Variants in TBC1D19 observed in about 807,000 individuals in gnomAD.
The protein encoded by TBC1D19 is TBC1 domain family member 19.
TBC1D19 carries 60 observed loss-of-function variants against 89.0 expected under a neutral mutation model. That is an observed-to-expected ratio of 0.67 (90% CI 0.55 to 0.84). The LOEUF (loss-of-function observed/expected upper bound fraction) is 0.84, where lower values mean the gene tolerates loss of function less well. Ranked by LOEUF, TBC1D19 falls within the 40% of genes least tolerant of loss-of-function variation. TBC1D19 has a pLI of 0.00. For synonymous variants in TBC1D19, 189 were observed against 199.7 expected (o/e 0.95, Z 0.45); for missense variants, 500 against 610.8 (o/e 0.82, Z 1.91).
At chr4:26,630,896 T>G (rs1269206320) in intron 4 of TBC1D19, among the ~76,000 whole-genome samples, 1 of 152,004 alleles carries the variant, frequency 6.6e-6, no homozygotes, top group East Asian at 1.9e-4. Flanking sequence ...TAATTAAGAT[T>G]AGAGTTCTTG....
chr4:26,706,555 A>C (rs1715752337), intron 13 of TBC1D19, among the ~76,000 whole-genome samples: 1 of 151,250 alleles, frequency 6.6e-6, no homozygotes, highest in African/African-American at 2.4e-5. Context: ...TTATTATTTT[A>C]TTTTCTTTCT....
chr4:26,599,469 T>A (rs183866641), intron 1 of TBC1D19, among the ~76,000 whole-genome samples: 1 of 152,180 alleles, frequency 6.6e-6, no homozygotes, highest in Non-Finnish European at 1.5e-5. Flanking sequence ...CAGCCAAATA[T>A]AAGTGATTTT....
At chr4:26,843,705 TA>T in the TBC1D19 span, among the ~76,000 whole-genome samples, 1 of 152,104 alleles carries the variant, frequency 6.6e-6, no homozygotes, top group Non-Finnish European at 1.5e-5. Flanking sequence ...TGTGTTGCTA[TA>T]AAGGTGTACC....
rs1238194176 is a variant in TBC1D19, at chr4:26,697,600, G to A, written c.954+9193G>A. ...ACCAATATCCCTGATCAACATTGAT[G>A]CAAAAATCCTCAATAAAATACTGCA... is the stretch of plus-strand genomic sequence containing the variant. On this transcript the variant is annotated intron_variant, in intron 13 of 20. Transcript: ENST00000264866. 1.4e-5 allele frequency among the ~76,000 whole-genome samples: 2 copies of A among 142,606 alleles called. 1 individual carries two copies. The highest frequency in any genetic ancestry group is 1.4e-4 in the Admixed American group (2 of 14,296). 93.6% of individuals were successfully genotyped at this position (142,606 alleles called of 152,430 possible). A position where few individuals can be genotyped will look rare whatever the true frequency, so the allele number is the denominator to read the frequency against.
In TBC1D19 at chr4:26,584,089, A is replaced by G. The variant is rs886736102; in HGVS notation, c.-105A>G. 11 of 1,136,234 alleles carry G rather than the reference A, an allele frequency of 9.7e-6. No individual in the cohort carries two copies. The highest frequency in any genetic ancestry group is 1.3e-5 in the Non-Finnish European group (10 of 780,014). The allele number at this position is 1,136,234 out of a possible 1,614,324, so 70.4% of individuals were successfully genotyped here. ...ACGCCCGCTGGAGGAGTCCCAGTGTAATAAGGTCCCGGAGAAGTGTCACTG... is the reference window on the plus strand; with the variant it reads ...ACGCCCGCTGGAGGAGTCCCAGTGTGATAAGGTCCCGGAGAAGTGTCACTG... On this transcript the variant is annotated 5_prime_UTR_variant, in exon 1 of 21. Transcript: ENST00000264866.
chr4:26,615,751 G>A (rs1421623827), intron 3 of TBC1D19, among the ~76,000 whole-genome samples: 1 of 152,116 alleles, frequency 6.6e-6, no homozygotes, highest in Non-Finnish European at 1.5e-5. Context: ...AATAATTGAA[G>A]TTGACTGTGA....
chr4:26,782,014 A>G, the TBC1D19 span, among the ~76,000 whole-genome samples: 3 of 152,232 alleles, frequency 2.0e-5, no homozygotes, highest in Non-Finnish European at 2.9e-5. Context: ...CACATATCCT[A>G]CTGCCCAGAT....
At chr4:26,851,311 A>ATCTATCTATCTG in the TBC1D19 span, among the ~76,000 whole-genome samples, 2 of 114,790 alleles carry the variant, frequency 1.7e-5, no homozygotes, top group Admixed American at 9.1e-5. Context: ...TACCCTATCT[A>ATCTATCTATCTG]TCTATCTATC....
intron 19 of TBC1D19, among the ~76,000 whole-genome samples, chr4:26,750,123 A>G (rs1333723848): frequency 1.3e-5 from 2 of 152,098 alleles, no homozygotes; most frequent in Non-Finnish European, 2.9e-5. Context: ...GGCTCATTAC[A>G]TGTACCCCTA....
rs890334488 is a variant in TBC1D19 at position 26,602,777 on chromosome 4, G to GA, written c.100-10380dup. Among the ~76,000 whole-genome samples the GA allele has an allele frequency of 1.4e-3, 195 of 137,260 alleles. 2 individuals are homozygous for GA. The East Asian group carries it at 0.02, about 14-fold the overall frequency. The allele number at this position is 137,260 out of a possible 152,430, so 90.0% of individuals were successfully genotyped here. On this transcript the variant is annotated intron_variant, in intron 1 of 20. Coordinates refer to ENST00000264866, the MANE Select transcript of TBC1D19 (RefSeq NM_018317.4). ...TTATTTTCCACCACACACTGACAGT[G>GA]AAAAAAAAAAAAGAACCAGTTTTAC... is the stretch of plus-strand genomic sequence containing the variant.
At chr4:26,842,749 T>G in the TBC1D19 span, among the ~76,000 whole-genome samples, 5 of 151,718 alleles carry the variant, frequency 3.3e-5, no homozygotes, top group South Asian at 2.1e-4. Flanking sequence ...GCAATTTGCC[T>G]GCCTCAGCCT....
At chr4:26,576,753 G>C in exon 1 of TBC1D19, 2 of 456,268 alleles carry the variant, frequency 4.4e-6, no homozygotes, top group South Asian at 3.1e-5. Context: ...AGATGTCAGG[G>C]AGATGAAGAG....
chr4:26,833,155 A>G, the TBC1D19 span, among the ~76,000 whole-genome samples: 6 of 152,156 alleles, frequency 3.9e-5, no homozygotes, highest in Non-Finnish European at 7.4e-5. Context: ...ACAAGCGAAG[A>G]AAGACTTTAC....
chr4:26,794,277 AAAGT>A, the TBC1D19 span, among the ~76,000 whole-genome samples: 2 of 152,186 alleles, frequency 1.3e-5, no homozygotes, highest in Non-Finnish European at 2.9e-5. Flanking sequence ...AAATTTTTTA[AAAGT>A]AAGAAAATAA....
chr4:26,745,673 A>AT lies in TBC1D19; in HGVS notation c.1320-2728dup, dbSNP rs920602724. On this transcript the variant is annotated intron_variant, in intron 18 of 20. Transcript: ENST00000264866. The stretch of plus-strand genomic sequence containing the variant: ...AGGTGCACGCCACCATGCGCAGCTA[A>AT]TTTTTTTTTTGTATTTTTAGTAGAG... Among the ~76,000 whole-genome samples, 654 of 146,888 alleles carry AT rather than the reference A, an allele frequency of 4.5e-3. 3 individuals are homozygous for AT. Among genetic ancestry groups the AT allele is most frequent in the African/African-American group, 0.013 (521 of 40,036 alleles).
intron 11 of TBC1D19, among the ~76,000 whole-genome samples, chr4:26,674,943 A>G (rs1260603048): frequency 6.6e-6 from 1 of 152,072 alleles, no homozygotes; most frequent in African/African-American, 2.4e-5. Flanking sequence ...ATGTGTGTAT[A>G]CTGTGTTTTA....
chr4:26,645,279 A>C (rs1743839359), intron 7 of TBC1D19, among the ~76,000 whole-genome samples: 1 of 152,248 alleles, frequency 6.6e-6, no homozygotes, highest in Non-Finnish European at 1.5e-5. Context: ...AGTAACCAAA[A>C]GAGCATGGTA....
intron 10 of TBC1D19, among the ~76,000 whole-genome samples, chr4:26,672,419 A>G (rs1013034550): frequency 3.9e-5 from 6 of 151,972 alleles, no homozygotes; most frequent in Admixed American, 2.6e-4. Context: ...CTGGTTCACT[A>G]AAAAGGAAAT....
chr4:26,668,833 A>G (rs1396203433), intron 9 of TBC1D19, among the ~76,000 whole-genome samples: 1 of 151,912 alleles, frequency 6.6e-6, no homozygotes, highest in Admixed American at 6.6e-5. Context: ...TATATTTGAA[A>G]TGCACTTCTT....
Sources: gnomAD v4.1 joint callset for allele counts (sites outside exome capture counted in the v4.1 genomes callset) on GRCh38, gnomAD v4.1.1 for gene constraint, MANE v1.5 for transcripts, NCBI Gene and HGNC (gene_info 2026-07-23, HGNC 2026-07-21) for gene names.